The following RBFOX1 variants were observed in gnomAD, a reference collection of about 807,000 sequenced individuals.
The protein encoded by RBFOX1 is RNA binding protein fox-1 homolog 1.
Under a neutral mutation model 57.7 loss-of-function variants are expected in RBFOX1, and 8 were observed. The observed-to-expected ratio is 0.14, with a 90% confidence interval of 0.08 to 0.25. RBFOX1 has a LOEUF of 0.25. Ranked by LOEUF, RBFOX1 falls within the 10% of genes least tolerant of loss-of-function variation. The pLI, the probability that RBFOX1 is intolerant of heterozygous loss-of-function variation, is 1.00. For synonymous variants in RBFOX1, 326 were observed against 222.4 expected, an observed-to-expected ratio of 1.47 and a Z score of -4.15; for missense variants, 611 against 548.5, an observed-to-expected ratio of 1.11 and a Z score of -1.14.
At chr16:5,582,615 A>G (rs559331886) in intron 2 of RBFOX1, among the ~76,000 whole-genome samples, 133 of 127,604 alleles carry the variant, frequency 1.0e-3, no homozygotes, top group African/African-American at 3.8e-3. Flanking sequence ...CAATGACGTG[A>G]TCTTGGTTCG....
chr16:7,645,967 T>C (rs1286696712), intron 11 of RBFOX1, among the ~76,000 whole-genome samples: 10 of 147,702 alleles, frequency 6.8e-5, no homozygotes, highest in Non-Finnish European at 1.0e-4. Context: ...TTTTTTTTTC[T>C]GCGAAACTCT....
rs934120420 is a variant in RBFOX1, at chr16:6,019,086, GAC to G, written c.-1026_-1025del. The G allele has an allele frequency of 6.1e-6, 6 of 983,700 alleles. No homozygotes were observed. The highest frequency in any genetic ancestry group is 6.2e-5 in the Admixed American group (1 of 16,130). The allele number at this position is 983,700 out of a possible 1,614,324, so 60.9% of individuals were successfully genotyped here. On this transcript the variant is annotated 5_prime_UTR_variant, in exon 1 of 16. Transcript: ENST00000550418. The surrounding 1 kb of genome is among the most constrained non-coding windows in gnomAD (Gnocchi z 4.2). ...CTTGTCGCGCGCTCACACACACACA[GAC>G]ACACACGCACACACACACATGCACA...
Position 6,872,366 on chromosome 16 carries a change from G to C in RBFOX1, c.-15-179691G>C, listed in dbSNP as rs545261589. ...CTGTTTCTCTCTTTTTCTCTTTCTC[G>C]TAGTAATAATAGCTTTACTATGACC... On this transcript the variant is annotated intron_variant, in intron 3 of 15. Transcript: ENST00000550418. Among the ~76,000 whole-genome samples, 3 of 151,490 alleles carry C rather than the reference G, an allele frequency of 2.0e-5. No homozygotes were observed. In the South Asian group the frequency reaches 6.2e-4, roughly 31 times the overall value.
intron 3 of RBFOX1, among the ~76,000 whole-genome samples, chr16:6,775,329 C>CAAAAAAAAAA (rs371277644): frequency 1.5e-5 from 1 of 67,326 alleles, no homozygotes; most frequent in African/African-American, 5.2e-5. Flanking sequence ...GACTCTGTCT[C>CAAAAAAAAAA]AAAAAAAAAA....
intron 4 of RBFOX1, among the ~76,000 whole-genome samples, chr16:5,912,065 C>A (rs996814895): frequency 1.1e-4 from 16 of 152,292 alleles, no homozygotes; most frequent in African/African-American, 3.6e-4. Flanking sequence ...ACCCAAGCGC[C>A]ATCTAAAGTA....
chr16:5,246,852 G>A (rs1286301029), intron 1 of RBFOX1, among the ~76,000 whole-genome samples: 3 of 151,932 alleles, frequency 2.0e-5, no homozygotes, highest in African/African-American at 7.3e-5. Flanking sequence ...TGTATTTTTT[G>A]TAGAGATGGG....
chr16:6,372,192 T>C (rs551332088), intron 2 of RBFOX1, among the ~76,000 whole-genome samples: 24 of 151,488 alleles, frequency 1.6e-4, no homozygotes, highest in African/African-American at 5.8e-4. Flanking sequence ...TGGGTGGAAG[T>C]ATACTCGGAT....
intron 1 of RBFOX1, among the ~76,000 whole-genome samples, chr16:6,142,423 A>C (rs537511367): frequency 6.6e-6 from 1 of 151,804 alleles, no homozygotes; most frequent in South Asian, 2.1e-4. Context: ...GGGTTTCACC[A>C]TGTTAGCCAG....
At chr16:6,819,389 G>C (rs1291772354) in intron 3 of RBFOX1, among the ~76,000 whole-genome samples, 2 of 152,112 alleles carry the variant, frequency 1.3e-5, no homozygotes, top group Non-Finnish European at 2.9e-5. Flanking sequence ...CATGGCTGTA[G>C]AGTTTAAGTT....
intron 2 of RBFOX1, among the ~76,000 whole-genome samples, chr16:6,569,782 C>T (rs1327401959): frequency 6.6e-6 from 1 of 152,130 alleles, no homozygotes; most frequent in Non-Finnish European, 1.5e-5. Flanking sequence ...GAGTGGTTGG[C>T]CAGTGGCTGA....
intron 10 of RBFOX1, chr16:7,614,947 A>C (rs968146061): frequency 6.6e-6 from 1 of 152,188 alleles, no homozygotes; most frequent in Admixed American, 6.5e-5. Flanking sequence ...TTTCAACCCC[A>C]TGTTTTTTCA....
At chr16:6,675,438 G>A (rs2057470950) in intron 3 of RBFOX1, among the ~76,000 whole-genome samples, 1 of 152,094 alleles carries the variant, frequency 6.6e-6, no homozygotes, top group East Asian at 1.9e-4. Context: ...TGGCCCAGAA[G>A]ATTATTTCAA....
chr16:5,507,219 C>T (rs80313253), intron 2 of RBFOX1, among the ~76,000 whole-genome samples: 5,933 of 152,236 alleles, frequency 0.039, 167 homozygotes, highest in Non-Finnish European at 0.064. Flanking sequence ...ACACCAACCA[C>T]TGCGGCCACC....
intron 4 of RBFOX1, among the ~76,000 whole-genome samples, chr16:7,067,115 C>T (rs2056244857): frequency 6.6e-6 from 1 of 152,176 alleles, no homozygotes; most frequent in Non-Finnish European, 1.5e-5. Context: ...AACTCATATG[C>T]CAGCGGCAGC....
At chr16:7,127,643 T>C (rs574675904) in intron 4 of RBFOX1, among the ~76,000 whole-genome samples, 1 of 152,114 alleles carries the variant, frequency 6.6e-6, no homozygotes, top group African/African-American at 2.4e-5. Context: ...GAGATGACAA[T>C]TGTGTGGTGA....
At chr16:5,416,959 A>G (rs1407756275) in intron 1 of RBFOX1, among the ~76,000 whole-genome samples, 2 of 152,192 alleles carry the variant, frequency 1.3e-5, no homozygotes, top group African/African-American at 4.8e-5. Flanking sequence ...AGGGCACAGC[A>G]ATGAAAAGTT....
chr16:7,677,160 C>CACACACACACACACACACACA (rs1555762483), intron 14 of RBFOX1, among the ~76,000 whole-genome samples: 20 of 151,192 alleles, frequency 1.3e-4, no homozygotes, highest in Non-Finnish European at 2.1e-4. Context: ...CACACACACA[C>CACACACACACACACACACACA]CGTACAACCT....
intron 1 of RBFOX1, among the ~76,000 whole-genome samples, chr16:6,139,794 G>C (rs1220581892): frequency 6.6e-6 from 1 of 151,712 alleles, no homozygotes; most frequent in East Asian, 1.9e-4. Flanking sequence ...TCCTTCTCCT[G>C]TCCTGTTCCC....
chr16:7,650,467 G>A (rs1860319), intron 11 of RBFOX1, among the ~76,000 whole-genome samples: 9,498 of 152,156 alleles, frequency 0.062, 346 homozygotes, highest in Middle Eastern at 0.11. Flanking sequence ...CTCCTAGGAA[G>A]CCTTGTAAAT....
Sources: allele counts gnomAD v4.1 joint callset (sites outside exome capture counted in the v4.1 genomes callset), GRCh38; gene constraint gnomAD v4.1.1; non-coding constraint Gnocchi (gnomAD v3.1); transcripts MANE v1.5; gene names NCBI Gene and HGNC (gene_info 2026-07-23, HGNC 2026-07-21).